Variants in GREB1L observed in about 807,000 individuals in gnomAD.
The protein encoded by GREB1L is GREB1 like retinoic acid receptor coactivator, also known as GREB1-like protein.
Under a neutral mutation model 200.8 loss-of-function variants are expected in GREB1L, and 17 were observed. That is an observed-to-expected ratio of 0.08 (90% CI 0.06 to 0.13). GREB1L has a LOEUF of 0.13. Ranked by LOEUF, GREB1L falls within the 10% of genes least tolerant of loss-of-function variation. GREB1L has a pLI of 1.00. For synonymous variants in GREB1L, 789 were observed against 893.0 expected, an observed-to-expected ratio of 0.88 and a Z score of 2.08; for missense variants, 1,657 against 2,367.7, an observed-to-expected ratio of 0.70 and a Z score of 6.23.
chr18:21,357,625 A>G (rs79252596), intron 1 of GREB1L, among the ~76,000 whole-genome samples: 3,856 of 152,184 alleles, frequency 0.025, 173 homozygotes, highest in African/African-American at 0.085. Context: ...CTTATATTTA[A>G]GTCTATTTTG....
chr18:21,416,797 G>T (rs980555226), intron 7 of GREB1L, among the ~76,000 whole-genome samples: 1 of 152,058 alleles, frequency 6.6e-6, no homozygotes, highest in East Asian at 1.9e-4. Context: ...AGGCCGAGAT[G>T]GGCAGATCAC....
chr18:21,486,880 T>C lies in GREB1L; in HGVS notation c.2690+1127T>C, dbSNP rs527941534. ...TAGTTCTTAGAATGGCTTTAATTGA[T>C]CATATTATTTAACAGCTATTTAACA... On this transcript the variant is annotated intron_variant, in intron 18 of 32. Transcript: ENST00000424526. 6.6e-5 allele frequency among the ~76,000 whole-genome samples: 10 copies of C among 152,312 alleles called. No individual in the cohort carries two copies. In the South Asian group the frequency reaches 2.1e-3, roughly 32 times the overall value.
intron 7 of GREB1L, among the ~76,000 whole-genome samples, chr18:21,436,372 G>A (rs185063750): frequency 2.0e-5 from 3 of 152,258 alleles, no homozygotes; most frequent in Non-Finnish European, 4.4e-5. Flanking sequence ...GCACAGTGAC[G>A]CCTGTAAACC....
Position 21,388,669 on chromosome 18 carries a change from C to T in GREB1L, c.355+4266C>T, listed in dbSNP as rs374796198. Among the ~76,000 whole-genome samples, 8 of 151,336 alleles carry T rather than the reference C, an allele frequency of 5.3e-5. No individual in the cohort carries two copies. In the Middle Eastern group the frequency reaches 0.01, roughly 193 times the overall value. On this transcript the variant is annotated intron_variant, in intron 4 of 32. Coordinates refer to ENST00000424526, the MANE Select transcript of GREB1L (RefSeq NM_001142966.3). ...ACACCATTCTCCTGCCTCAGCCTCC[C>T]GAGTAGCTGGGACTACAGGCTCCCA...
intron 15 of GREB1L, among the ~76,000 whole-genome samples, chr18:21,463,236 C>G (rs1233112975): frequency 2.0e-5 from 3 of 150,302 alleles, no homozygotes; most frequent in Non-Finnish European, 4.4e-5. Flanking sequence ...AGCTCCACCT[C>G]CCGGGTTCAC....
chr18:21,273,031 A>G (rs1417734398), intron 1 of GREB1L, among the ~76,000 whole-genome samples: 2 of 152,318 alleles, frequency 1.3e-5, no homozygotes, highest in Admixed American at 6.5e-5. Flanking sequence ...GTTTGAGACC[A>G]GCATGGCCAA....
chr18:21,505,805 C>T lies in GREB1L; in HGVS notation c.4229-5C>T. 2 of 1,550,874 alleles carry T rather than the reference C, an allele frequency of 1.3e-6. No homozygotes were observed. The highest frequency in any genetic ancestry group is 1.7e-6 in the Non-Finnish European group (2 of 1,146,464). On this transcript the variant is annotated splice_polypyrimidine_tract_variant and splice_region_variant and intron_variant, in intron 24 of 32. Coordinates refer to ENST00000424526, the MANE Select transcript of GREB1L (RefSeq NM_001142966.3). ...TGGGATGGCTTTTTGCCCCTTTATA[C>T]ACAGAAGTGATAAAGGAATCCAAAG...
intron 1 of GREB1L, among the ~76,000 whole-genome samples, chr18:21,251,457 T>C (rs540379949): frequency 1.3e-5 from 2 of 152,346 alleles, no homozygotes; most frequent in East Asian, 3.9e-4. Flanking sequence ...CTATAGCATC[T>C]GTATTCCACA....
chr18:21,488,927 G>GATT (rs2036227493), intron 18 of GREB1L, among the ~76,000 whole-genome samples: 2 of 152,246 alleles, frequency 1.3e-5, no homozygotes, highest in South Asian at 4.1e-4. Context: ...AAAGTGCTGG[G>GATT]ATTATAGGCA....
rs1471990956 is a variant in GREB1L at position 21,505,397 on chromosome 18, T to C, written c.4073-15T>C. 1.9e-6 allele frequency: 3 copies of C among 1,548,732 alleles called. No homozygotes were observed. The Admixed American group carries it at 5.9e-5, about 30-fold the overall frequency. On this transcript the variant is annotated splice_polypyrimidine_tract_variant and intron_variant, in intron 23 of 32. Transcript: ENST00000424526. ...AGGCCAGTCACCTGCTCTGCACACT[T>C]CCTTCTTGTCCTAGATCACAATGAA...
intron 16 of GREB1L, among the ~76,000 whole-genome samples, chr18:21,475,938 C>T (rs1215578150): frequency 8.1e-6 from 1 of 123,880 alleles, no homozygotes; most frequent in Non-Finnish European, 1.6e-5. Context: ...CACTGCACTC[C>T]AGCCTGGGTG....
chr18:21,496,485 G>A lies in GREB1L; in HGVS notation c.3178G>A (p.Asp1060Asn). ...SLKYCDLRLI[D>N]SSYLTRTALE... ...GAAGTACTGTGACCTCCGGTTAATT[G>A]ACTCAAGCTATTTAACTCGCACGGC... The change falls in exon 21 of 33, where the codon GAC becomes AAC. Residue 1060 changes from aspartate (D) to asparagine (N), a missense_variant. Physicochemically the swap from Asp to Asn is conservative, Grantham distance 23 (BLOSUM62 1). This residue lies in a region of GREB1L where 512 missense variants were observed against 668.3 expected (regional missense o/e 0.77). Transcript: ENST00000424526. 6.4e-7 allele frequency: 1 copy of A among 1,551,722 alleles called. No homozygotes were observed. Among genetic ancestry groups the A allele is most frequent in the Non-Finnish European group, 8.7e-7 (1 of 1,146,990 alleles).
At chr18:21,394,715 A>ATC (rs2144345543) in intron 4 of GREB1L, among the ~76,000 whole-genome samples, 1 of 152,210 alleles carries the variant, frequency 6.6e-6, no homozygotes, top group East Asian at 1.9e-4. Context: ...CACTGTACCC[A>ATC]TCTAGAGAAG....
chr18:21,297,024 GGTGA>G (rs1203513235), intron 1 of GREB1L, among the ~76,000 whole-genome samples: 1 of 152,246 alleles, frequency 6.6e-6, no homozygotes, highest in African/African-American at 2.4e-5. Flanking sequence ...GTACAGCCGA[GGTGA>G]GGGACCATTG....
rs190603923 is a variant in GREB1L, at chr18:21,428,676, G to A, written c.833-10845G>A. ...ACGGAGTGTCGCTGTTGTCGGCCCGGGCTGGAGTGCAATGGCATGATCGCG... is the reference window on the plus strand; with the variant it reads ...ACGGAGTGTCGCTGTTGTCGGCCCGAGCTGGAGTGCAATGGCATGATCGCG... On this transcript the variant is annotated intron_variant, in intron 7 of 32. Transcript: ENST00000424526. 2.2e-4 allele frequency among the ~76,000 whole-genome samples: 32 copies of A among 148,140 alleles called. No individual in the cohort carries two copies. The East Asian group carries it at 5.8e-3, about 27-fold the overall frequency.
chr18:21,521,020 C>A (rs2037584410), intron 32 of GREB1L, among the ~76,000 whole-genome samples, 197 bp downstream of exon 32: 1 of 151,984 alleles, frequency 6.6e-6, no homozygotes, highest in African/African-American at 2.4e-5. Flanking sequence ...CATGGTGAAA[C>A]CGTCTCTACT....
At chr18:21,346,678 A>G (rs1328232129) in intron 1 of GREB1L, among the ~76,000 whole-genome samples, 3 of 152,160 alleles carry the variant, frequency 2.0e-5, no homozygotes, top group Non-Finnish European at 2.9e-5. Context: ...GAAACCTGAA[A>G]CAGCAAGTTA....
chr18:21,477,194 A>G lies in GREB1L; in HGVS notation c.2394A>G (p.Glu798=). 6.4e-7 allele frequency: 1 copy of G among 1,551,884 alleles called. No individual in the cohort carries two copies. The highest frequency in any genetic ancestry group is 8.7e-7 in the Non-Finnish European group (1 of 1,146,968). Residue 798 remains glutamate (E), a synonymous_variant, in exon 17 of 33, where the codon GAA becomes GAG. Transcript: ENST00000424526. ...SVISGSLSHS[E]PSHGLADRVI... ...TTTCAGGCTCTTTGTCACATAGCGA[A>G]CCCAGTCATGGGCTAGCTGATAGAG... is the stretch of plus-strand genomic sequence containing the variant.
intron 16 of GREB1L, among the ~76,000 whole-genome samples, chr18:21,474,988 G>A (rs939828553): frequency 1.3e-5 from 2 of 152,140 alleles, no homozygotes; most frequent in African/African-American, 4.8e-5. Context: ...CAACACATGG[G>A]AATTATGGGA....
Sources: allele counts gnomAD v4.1 joint callset (sites outside exome capture counted in the v4.1 genomes callset), GRCh38; gene constraint gnomAD v4.1.1; regional missense constraint gnomAD v4.1.1; transcripts MANE v1.5; gene names NCBI Gene and HGNC (gene_info 2026-07-23, HGNC 2026-07-21).